SKAP1: variants seen among roughly 807,000 people sequenced by gnomAD.
SKAP1 encodes src kinase-associated phosphoprotein 1.
In SKAP1, 44 loss-of-function variants were observed where a neutral mutation model predicts 58.5. The ratio of observed to expected loss-of-function variants is 0.75; its 90% CI spans 0.59 to 0.97. The LOEUF (loss-of-function observed/expected upper bound fraction) is 0.97. Among genes scored for constraint, SKAP1 ranks in the 50% least tolerant of loss-of-function variants. The pLI is 0.00. For missense variants in SKAP1, 390 were observed against 435.2 expected, an observed-to-expected ratio of 0.90 and a Z score of 0.92; for synonymous variants, 127 against 149.7, an observed-to-expected ratio of 0.85 and a Z score of 1.11.
At chr17:48,146,298 C>T (rs1195611091) in intron 11 of SKAP1, among the ~76,000 whole-genome samples, 1 of 151,992 alleles carries the variant, frequency 6.6e-6, no homozygotes, top group African/African-American at 2.4e-5. Context: ...CGAGACCAGC[C>T]TGGCCAATAT....
At position 48,430,072 on chromosome 17, in the gene SKAP1, T is replaced by C; in HGVS notation, c.46+3A>G. 7.9e-7 allele frequency: 1 copy of C among 1,265,538 alleles called. No homozygotes were observed. The highest frequency in any genetic ancestry group is 1.0e-6 in the Non-Finnish European group (1 of 997,412). 78.4% of individuals were successfully genotyped at this position (1,265,538 alleles called of 1,614,324 possible). On this transcript the variant is annotated splice_donor_region_variant and intron_variant, in intron 1 of 12. Transcript: ENST00000336915. ...CTGGAGGGGGCCTGCGCCAGGGCGTTACCTTCCAGGAGCCAACGGATCTCC... is the reference window on the plus strand; with the variant it reads ...CTGGAGGGGGCCTGCGCCAGGGCGTCACCTTCCAGGAGCCAACGGATCTCC...
intron 4 of SKAP1, among the ~76,000 whole-genome samples, chr17:48,300,183 A>G (rs2144123506): frequency 6.6e-6 from 1 of 152,168 alleles, no homozygotes; most frequent in Non-Finnish European, 1.5e-5. Flanking sequence ...TTCTCAGTCA[A>G]GTGTTTTGGC....
intron 1 of SKAP1, among the ~76,000 whole-genome samples, chr17:48,405,462 CT>C: frequency 9.5e-6 from 1 of 105,190 alleles, no homozygotes; most frequent in Non-Finnish European, 2.0e-5. Flanking sequence ...TTCTTTCTTT[CT>C]TTCCTTCCTT....
At chr17:48,220,610 A>C (rs1420181025) in intron 4 of SKAP1, among the ~76,000 whole-genome samples, 1 of 152,056 alleles carries the variant, frequency 6.6e-6, no homozygotes, top group African/African-American at 2.4e-5. Context: ...TAATCCCAGC[A>C]CTTTGGGAGG....
intron 4 of SKAP1, among the ~76,000 whole-genome samples, chr17:48,199,793 G>A (rs1172380590): frequency 1.3e-5 from 2 of 152,094 alleles, no homozygotes; most frequent in Non-Finnish European, 2.9e-5. Flanking sequence ...GCAATAGGGA[G>A]GAGGGTAAAA....
At chr17:48,383,896 A>AT (rs569975695) in intron 2 of SKAP1, among the ~76,000 whole-genome samples, 132 of 149,120 alleles carry the variant, frequency 8.9e-4, no homozygotes, top group Non-Finnish European at 4.3e-4. Context: ...ATTTTTTTGT[A>AT]TTTTTTTTTA....
At chr17:48,197,736 A>G (rs918284602) in intron 4 of SKAP1, among the ~76,000 whole-genome samples, 1 of 152,206 alleles carries the variant, frequency 6.6e-6, no homozygotes, top group African/African-American at 2.4e-5. Flanking sequence ...CCAAATATCC[A>G]AACTGGTTTC....
At chr17:48,136,375 G>T (rs1194127097) in intron 12 of SKAP1, 1 of 152,148 alleles carries the variant, frequency 6.6e-6, no homozygotes, top group Non-Finnish European at 1.5e-5. Flanking sequence ...ATTTCACCAT[G>T]TTGGCCAGGC....
At chr17:48,305,516 C>T (rs2066127807) in intron 4 of SKAP1, among the ~76,000 whole-genome samples, 2 of 152,148 alleles carry the variant, frequency 1.3e-5, no homozygotes, top group East Asian at 1.9e-4. Flanking sequence ...GTTTACTGAC[C>T]TCTGGTCTAG....
intron 11 of SKAP1, among the ~76,000 whole-genome samples, chr17:48,150,120 A>G (rs572375008): frequency 6.6e-6 from 1 of 152,302 alleles, no homozygotes; most frequent in Non-Finnish European, 1.5e-5. Flanking sequence ...GGCTAAAATA[A>G]TTACAAGTGT....
At position 48,165,974 on chromosome 17, in the gene SKAP1, G is replaced by A. The variant is rs1185103395; in HGVS notation, c.878-3405C>T. The stretch of plus-strand genomic sequence containing the variant: ...TGCCAGCATTTCTCAATGTCTCTCC[G>A]AAAAACATAACTCTGCACTAAATAA... On this transcript the variant is annotated intron_variant, in intron 10 of 12. Coordinates refer to ENST00000336915, the MANE Select transcript of SKAP1 (RefSeq NM_003726.4). 2.6e-5 allele frequency among the ~76,000 whole-genome samples: 4 copies of A among 151,962 alleles called. No homozygotes were observed. The South Asian group carries it at 6.2e-4, about 24-fold the overall frequency.
chr17:48,418,055 G>A (rs559986636), intron 1 of SKAP1, among the ~76,000 whole-genome samples: 9 of 152,130 alleles, frequency 5.9e-5, no homozygotes, highest in Non-Finnish European at 1.3e-4. Context: ...AGCATTTGGG[G>A]AGAGAAAGGA....
At chr17:48,137,167 A>C in intron 12 of SKAP1, 62 bp downstream of exon 12, 1 of 1,026,132 alleles carries the variant, frequency 9.7e-7, no homozygotes, top group Non-Finnish European at 1.5e-6. Context: ...TCAGAGAAAC[A>C]AAGTAGTGGC....
chr17:48,155,321 T>A (rs1394209008), intron 11 of SKAP1, among the ~76,000 whole-genome samples: 3 of 150,498 alleles, frequency 2.0e-5, no homozygotes, highest in Non-Finnish European at 3.0e-5. Flanking sequence ...AGAGATGGGG[T>A]TTTGCCATGT....
chr17:48,140,396 A>C (rs1277371151), intron 11 of SKAP1, among the ~76,000 whole-genome samples: 2 of 151,882 alleles, frequency 1.3e-5, no homozygotes, highest in South Asian at 4.2e-4. Context: ...ATCTTGCTCA[A>C]TTCTGCTTTT....
chr17:48,425,307 G>A (rs2067844257), intron 1 of SKAP1, among the ~76,000 whole-genome samples: 1 of 152,062 alleles, frequency 6.6e-6, no homozygotes, highest in Admixed American at 6.6e-5. Context: ...AAAATTATAA[G>A]TAGAAAAATC....
At chr17:48,310,634 C>T (rs188092497) in intron 4 of SKAP1, among the ~76,000 whole-genome samples, 4 of 152,198 alleles carry the variant, frequency 2.6e-5, no homozygotes, top group Admixed American at 2.0e-4. Flanking sequence ...AATCATATTT[C>T]TTAATTTGAA....
intron 4 of SKAP1, among the ~76,000 whole-genome samples, chr17:48,335,074 A>G (rs1415655293): frequency 6.6e-6 from 1 of 151,876 alleles, no homozygotes; most frequent in African/African-American, 2.4e-5. Flanking sequence ...CTATGTCTAT[A>G]TCATTCTTCT....
intron 4 of SKAP1, among the ~76,000 whole-genome samples, chr17:48,315,162 G>A (rs2066271770): frequency 6.6e-6 from 1 of 152,088 alleles, no homozygotes; most frequent in Non-Finnish European, 1.5e-5. Flanking sequence ...CCAGGTTTAA[G>A]AAGTAAATAA....
Sources: gnomAD v4.1 joint callset for allele counts (sites outside exome capture counted in the v4.1 genomes callset) on GRCh38, gnomAD v4.1.1 for gene constraint, MANE v1.5 for transcripts, NCBI Gene and HGNC (gene_info 2026-07-23, HGNC 2026-07-21) for gene names.